The following WDR59 variants were observed in gnomAD, a reference collection of about 807,000 sequenced individuals.
WDR59 encodes GATOR2 complex protein WDR59.
WDR59 carries 100 observed loss-of-function variants against 131.2 expected under a neutral mutation model. That is an observed-to-expected ratio of 0.76 (90% confidence interval 0.65 to 0.90). The LOEUF (loss-of-function observed/expected upper bound fraction) is 0.90, where lower values mean the gene tolerates loss of function less well. Ranked by LOEUF, WDR59 falls within the 40% of genes least tolerant of loss-of-function variation. The pLI, the probability that WDR59 is intolerant of heterozygous loss-of-function variation, is 0.00. For synonymous variants in WDR59, 601 were observed against 466.2 expected, an observed-to-expected ratio of 1.29 and a Z score of -3.72; for missense variants, 1,203 against 1,262.2, an observed-to-expected ratio of 0.95 and a Z score of 0.71.
chr16:74,892,520 G>A lies in WDR59; in HGVS notation c.2046C>T (p.Ala682=), dbSNP rs1965092035. The change falls in exon 20 of 26, where the codon GCC becomes GCT. Residue 682 remains alanine (A), a synonymous_variant. Transcript: ENST00000262144. ...CCTTTCTTCCAACGAGCAAGGCAGA[G>A]GCGGCATTCTTCTGACATGTTTCCT... ...DIQETCQKNA[A]SALLVGRKDL... is the part of the protein sequence containing the mutation. 6.2e-7 allele frequency: 1 copy of A among 1,613,936 alleles called. No individual in the cohort carries two copies. The highest frequency in any genetic ancestry group is 8.5e-7 in the Non-Finnish European group (1 of 1,179,950).
intron 9 of WDR59, among the ~76,000 whole-genome samples, chr16:74,923,481 T>A (rs949989669): frequency 2.0e-5 from 3 of 152,164 alleles, no homozygotes; most frequent in African/African-American, 7.2e-5. Context: ...TTATTTTATT[T>A]TTTTATTTTT....
chr16:74,945,471 T>C (rs1393095226), intron 6 of WDR59, among the ~76,000 whole-genome samples: 1 of 151,654 alleles, frequency 6.6e-6, no homozygotes. Context: ...AGCGAGACTC[T>C]GTCTCAAAAA....
intron 24 of WDR59, 73 bp from the exon 25 acceptor site, chr16:74,885,868 T>C (rs963391673): frequency 4.5e-5 from 70 of 1,552,328 alleles, no homozygotes; most frequent in Non-Finnish European, 6.0e-5. Flanking sequence ...TGGCACTTAA[T>C]ATACCCTTCT....
chr16:74,955,243 A>C (rs2033226801), intron 3 of WDR59, among the ~76,000 whole-genome samples: 2 of 152,336 alleles, frequency 1.3e-5, no homozygotes, highest in African/African-American at 4.8e-5. Context: ...AGGACATCTG[A>C]CAGTGGCTGG....
chr16:74,982,708 G>A (rs1342445761), intron 1 of WDR59, among the ~76,000 whole-genome samples: 1 of 152,160 alleles, frequency 6.6e-6, no homozygotes, highest in Non-Finnish European at 1.5e-5. Context: ...CGCCTCCCTA[G>A]GGAGAGCAGG....
chr16:74,913,434 T>TTTG (rs369822780), intron 13 of WDR59, among the ~76,000 whole-genome samples: 2,126 of 151,876 alleles, frequency 0.014, 52 homozygotes, highest in African/African-American at 0.048. Context: ...AAATCTTTGT[T>TTTG]TTGTTGTTGT....
rs775134476 is a variant in WDR59 at position 74,922,027 on chromosome 16, A to C, written c.806T>G (p.Phe269Cys). 9.3e-6 allele frequency: 15 copies of C among 1,614,066 alleles called. No individual in the cohort carries two copies. Among genetic ancestry groups the C allele is most frequent in the Non-Finnish European group, 1.2e-5 (14 of 1,180,046 alleles). ...RENSLLLWNV[F>C]DLNTPVHTFV... ...GGTGTGGACTGGGGTGTTCAAGTCA[A>C]AGACATTCCACAGGAGAAGGCTGTT... The change falls in exon 10 of 26, where the codon TTT becomes TGT. Residue 269 changes from phenylalanine (F) to cysteine (C), a missense_variant. Transcript: ENST00000262144.
chr16:74,899,769 G>T, intron 18 of WDR59: 2 of 1,288,820 alleles, frequency 1.6e-6, no homozygotes, highest in South Asian at 1.2e-5. Flanking sequence ...GCATGAAAAC[G>T]TTACACCCAG....
rs770491822 is a variant in WDR59 at position 74,908,961 on chromosome 16, G to A, written c.1659C>T (p.Phe553=). The change falls in exon 17 of 26, where the codon TTC becomes TTT. Residue 553 remains phenylalanine (F), a synonymous_variant. Transcript: ENST00000262144. The stretch of plus-strand genomic sequence containing the variant: ...CCCGATGCATTGTCATGGGCCTTGT[G>A]AAATATACCAGGTAACCTAAAGGAG... The part of the protein sequence containing the change: ...RFCGAGYLVY[F]TRPMTMHRAV... 25 of 1,613,824 alleles carry A rather than the reference G, an allele frequency of 1.5e-5. No individual in the cohort carries two copies. Among genetic ancestry groups the A allele is most frequent in the Non-Finnish European group, 1.9e-5 (23 of 1,179,968 alleles).
At chr16:74,927,599 A>T (rs1027186572) in intron 8 of WDR59, among the ~76,000 whole-genome samples, 2 of 151,232 alleles carry the variant, frequency 1.3e-5, no homozygotes, top group African/African-American at 4.8e-5. Flanking sequence ...AAAAAAAAAA[A>T]AAAAAAAAGA....
chr16:74,874,097 C>A lies in WDR59; in HGVS notation c.*112G>T. On this transcript the variant is annotated 3_prime_UTR_variant, in exon 26 of 26. Coordinates refer to ENST00000262144, the MANE Select transcript of WDR59 (RefSeq NM_030581.4). ...TGCGCAGTCCTTGGGGGATCATCCT[C>A]CGGTCTCACTGGGGACGAACCCAGG... 1.1e-6 allele frequency: 1 copy of A among 874,686 alleles called. No individual in the cohort carries two copies. The highest frequency in any genetic ancestry group is 1.8e-6 in the Non-Finnish European group (1 of 568,506). The allele number at this position is 874,686 out of a possible 1,614,324, so 54.2% of individuals were successfully genotyped here. A position where few individuals can be genotyped will look rare whatever the true frequency, so the allele number is the denominator to read the frequency against.
intron 18 of WDR59, among the ~76,000 whole-genome samples, chr16:74,894,924 G>A (rs918907313): frequency 1.3e-5 from 2 of 151,958 alleles, no homozygotes; most frequent in African/African-American, 4.8e-5. Context: ...CTAGAAACAT[G>A]TAACTATTAT....
chr16:74,947,618 A>G (rs2145123901), intron 6 of WDR59, among the ~76,000 whole-genome samples: 1 of 152,316 alleles, frequency 6.6e-6, no homozygotes, highest in East Asian at 1.9e-4. Flanking sequence ...AGAGAGAGAG[A>G]CTATTGGGGA....
Position 74,944,505 on chromosome 16 carries a change from G to A in WDR59, c.446-1679C>T, listed in dbSNP as rs868398709. Among the ~76,000 whole-genome samples, 176 of 150,462 alleles carry A rather than the reference G, an allele frequency of 1.2e-3. 2 individuals carry two copies. Among genetic ancestry groups the A allele is most frequent in the African/African-American group, 4.1e-3 (169 of 40,898 alleles). On this transcript the variant is annotated intron_variant, in intron 6 of 25. Coordinates refer to ENST00000262144, the MANE Select transcript of WDR59 (RefSeq NM_030581.4). ...AATCATTACACCAGGGTCGAATGGAGGTCCCGGGCTATGAGAACTCTCAGA... is the reference window on the plus strand; with the variant it reads ...AATCATTACACCAGGGTCGAATGGAAGTCCCGGGCTATGAGAACTCTCAGA...
intron 17 of WDR59, among the ~76,000 whole-genome samples, chr16:74,906,845 G>C (rs1567706588): frequency 6.6e-6 from 1 of 152,166 alleles, no homozygotes; most frequent in African/African-American, 2.4e-5. Flanking sequence ...CTGAAGGGCG[G>C]GGAAAAGGGA....
At chr16:74,909,090 C>T in intron 16 of WDR59, 113 bp from the exon 17 acceptor site, 1 of 899,380 alleles carries the variant, frequency 1.1e-6, no homozygotes, top group East Asian at 2.4e-5. Flanking sequence ...GGGTAAGACA[C>T]ATTTTCATAA....
chr16:74,984,142 T>C (rs1239002389), intron 1 of WDR59, among the ~76,000 whole-genome samples: 1 of 151,960 alleles, frequency 6.6e-6, no homozygotes, highest in Non-Finnish European at 1.5e-5. Flanking sequence ...CCGGGCGTGG[T>C]GGTGCGCACC....
At chr16:74,953,284 C>T (rs146802117) in intron 3 of WDR59, among the ~76,000 whole-genome samples, 2,688 of 151,834 alleles carry the variant, frequency 0.018, 73 homozygotes, top group African/African-American at 0.061. Context: ...CCAGCCTGGC[C>T]AACATGGTGA....
chr16:74,976,844 A>C (rs186813067), intron 1 of WDR59, among the ~76,000 whole-genome samples: 1 of 152,050 alleles, frequency 6.6e-6, no homozygotes. Flanking sequence ...ATGGCTCTAT[A>C]AAAAATACAA....
Sources: gnomAD v4.1 joint callset for allele counts (sites outside exome capture counted in the v4.1 genomes callset) on GRCh38, gnomAD v4.1.1 for gene constraint, MANE v1.5 for transcripts, NCBI Gene and HGNC (gene_info 2026-07-23, HGNC 2026-07-21) for gene names.